The following BANP variants were observed in gnomAD, a reference collection of about 807,000 sequenced individuals.
The protein encoded by BANP is protein BANP.
In BANP, 11 loss-of-function variants were observed where a neutral mutation model predicts 68.1. The ratio of observed to expected loss-of-function variants is 0.16; its 90% confidence interval spans 0.10 to 0.27. BANP has a LOEUF of 0.27. Among genes scored for constraint, BANP ranks in the 10% least tolerant of loss-of-function variants. The probability of loss-of-function intolerance (pLI) is 1.00; values close to 1 mark genes in which losing one functional copy is unlikely to be tolerated. For missense variants in BANP, 504 were observed against 722.7 expected, an observed-to-expected ratio of 0.70 and a Z score of 3.47; for synonymous variants, 329 against 303.2, an observed-to-expected ratio of 1.09 and a Z score of -0.88.
At chr16:87,987,046 T>A (rs1185144849) in intron 4 of BANP, among the ~76,000 whole-genome samples, 1 of 152,232 alleles carries the variant, frequency 6.6e-6, no homozygotes, top group Non-Finnish European at 1.5e-5. Flanking sequence ...AAATCCTATT[T>A]AAAATATATC....
rs2091713517 is a variant in BANP at position 88,076,947 on chromosome 16, A to G, written c.*286A>G. The G allele has an allele frequency of 2.6e-6, 1 of 378,122 alleles. No homozygotes were observed. The highest frequency in any genetic ancestry group is 4.8e-6 in the Non-Finnish European group (1 of 210,256). The allele number at this position is 378,122 out of a possible 1,614,324, so 23.4% of individuals were successfully genotyped here. A position where few individuals can be genotyped will look rare whatever the true frequency, so the allele number is the denominator to read the frequency against. ...TATGCGCGGGAAATCAAGAACTATG[A>G]TATTTTTCTGTTTAAACAGCTTTTT... On this transcript the variant is annotated 3_prime_UTR_variant, in exon 14 of 14. Coordinates refer to ENST00000682872, the MANE Select transcript of BANP (RefSeq NM_001386991.1).
At chr16:88,006,418 G>A (rs1319746029) in intron 6 of BANP, among the ~76,000 whole-genome samples, 153 bp downstream of exon 6, 1 of 152,224 alleles carries the variant, frequency 6.6e-6, no homozygotes, top group East Asian at 1.9e-4. Context: ...AGGCTGAGGC[G>A]GGCGGATCAC....
intron 13 of BANP, among the ~76,000 whole-genome samples, chr16:88,075,994 C>G (rs1203030004): frequency 6.6e-6 from 1 of 152,172 alleles, no homozygotes; most frequent in African/African-American, 2.4e-5. Context: ...GATTCACCTG[C>G]CTCAGCCTCC....
intron 8 of BANP, among the ~76,000 whole-genome samples, chr16:88,032,147 C>G (rs2078318250): frequency 6.6e-6 from 1 of 151,444 alleles, no homozygotes; most frequent in African/African-American, 2.4e-5. Context: ...TTTCATTTTT[C>G]TCCTTTCATT....
chr16:88,072,951 G>A (rs1430805498), intron 13 of BANP, among the ~76,000 whole-genome samples: 1 of 152,252 alleles, frequency 6.6e-6, no homozygotes, highest in Non-Finnish European at 1.5e-5. Context: ...GGAACATTCT[G>A]GCCGCTGTCT....
At chr16:87,977,229 A>T (rs1265879845) in intron 2 of BANP, among the ~76,000 whole-genome samples, 2 of 152,184 alleles carry the variant, frequency 1.3e-5, no homozygotes, top group Non-Finnish European at 1.5e-5. Flanking sequence ...CCTGGCAAAC[A>T]CGGTGAAGTC....
intron 11 of BANP, among the ~76,000 whole-genome samples, chr16:88,044,710 A>G (rs960420416): frequency 1.1e-4 from 16 of 152,232 alleles, no homozygotes; most frequent in Admixed American, 9.2e-4. Flanking sequence ...TAGGCTGGGC[A>G]CGGTGGCTCA....
At chr16:88,068,332 G>T (rs145134565) in intron 12 of BANP, among the ~76,000 whole-genome samples, 5 of 152,374 alleles carry the variant, frequency 3.3e-5, no homozygotes, top group African/African-American at 1.2e-4. Flanking sequence ...GTCGTGGAGT[G>T]CAGGCAGGTG....
In BANP at chr16:88,004,756, C is replaced by T. The variant is rs565957054; in HGVS notation, c.479+345C>T. Among the ~76,000 whole-genome samples the T allele has an allele frequency of 1.3e-5, 2 of 152,360 alleles. No individual in the cohort carries two copies. The highest frequency in any genetic ancestry group is 4.8e-5 in the African/African-American group (2 of 41,588). ...GGTCCTCACGTCTGTCTGTGCAGAG[C>T]GTGTCAGGCAAACAGACGCCCTCTC... On this transcript the variant is annotated intron_variant, in intron 5 of 13. Coordinates refer to ENST00000682872, the MANE Select transcript of BANP (RefSeq NM_001386991.1). This position sits in a 1 kb window ranked among gnomAD's most constrained non-coding sequence, Gnocchi z 7.0.
chr16:87,979,083 GTTAGAA>G (rs2062767329), intron 2 of BANP, among the ~76,000 whole-genome samples: 2 of 152,320 alleles, frequency 1.3e-5, no homozygotes, highest in East Asian at 3.9e-4. Context: ...AGAGGTTCCT[GTTAGAA>G]CTGCAGGACG....
In BANP at chr16:88,036,634, G is replaced by T. The variant is rs763413666; in HGVS notation, c.1272+1240G>T. Among the ~76,000 whole-genome samples the T allele has an allele frequency of 5.3e-5, 8 of 152,154 alleles. No homozygotes were observed. The highest frequency in any genetic ancestry group is 7.3e-5 in the Non-Finnish European group (5 of 68,030). ...GGTTCTGAGGGCGGAATGAGGATGA[G>T]GTGAAAGGGGAGGAACGAATTCATG... On this transcript the variant is annotated intron_variant, in intron 10 of 13. Coordinates refer to ENST00000682872, the MANE Select transcript of BANP (RefSeq NM_001386991.1). The surrounding 1 kb of genome is among the most constrained non-coding windows in gnomAD (Gnocchi z 4.2).
intron 2 of BANP, among the ~76,000 whole-genome samples, chr16:87,975,585 A>C (rs150250110): frequency 8.1e-6 from 1 of 123,756 alleles, no homozygotes; most frequent in South Asian, 2.7e-4. Flanking sequence ...GTGCGGCGTC[A>C]TGGAACCTTA....
At chr16:88,049,340 G>C (rs534464690) in intron 11 of BANP, among the ~76,000 whole-genome samples, 1 of 152,192 alleles carries the variant, frequency 6.6e-6, no homozygotes, top group Non-Finnish European at 1.5e-5. Flanking sequence ...TAGGCTACGG[G>C]TGTGGAGACA....
At chr16:88,022,056 TG>T (rs1342067276) in intron 7 of BANP, among the ~76,000 whole-genome samples, 1 of 152,158 alleles carries the variant, frequency 6.6e-6, no homozygotes, top group African/African-American at 2.4e-5. Context: ...CAAGGATTGG[TG>T]GACCCCCCGA....
chr16:88,062,056 A>G (rs1020711602), intron 11 of BANP, among the ~76,000 whole-genome samples: 1 of 152,176 alleles, frequency 6.6e-6, no homozygotes, highest in Non-Finnish European at 1.5e-5. Flanking sequence ...TCATACCTTA[A>G]CAAGTTGGAT....
chr16:88,033,258 T>A lies in BANP; in HGVS notation c.1200+13T>A. On this transcript the variant is annotated intron_variant, in intron 9 of 13. Transcript: ENST00000682872. Reference sequence around the variant, plus strand: ...ACAGGTGCAAGTAGTACGTACCCTCTCCACCTCACACCTTGGGAAAGGGGG... The same window carrying A: ...ACAGGTGCAAGTAGTACGTACCCTCACCACCTCACACCTTGGGAAAGGGGG... The A allele has an allele frequency of 6.4e-7, 1 of 1,561,904 alleles. No homozygotes were observed. Among genetic ancestry groups the A allele is most frequent in the Non-Finnish European group, 8.7e-7 (1 of 1,146,072 alleles).
intron 11 of BANP, among the ~76,000 whole-genome samples, chr16:88,052,173 C>G (rs1293526662): frequency 6.6e-6 from 1 of 152,152 alleles, no homozygotes; most frequent in Non-Finnish European, 1.5e-5. Flanking sequence ...CAAAACAAAA[C>G]ACAAGAAAGA....
intron 2 of BANP, among the ~76,000 whole-genome samples, chr16:87,979,774 C>T (rs2062909742): frequency 6.6e-6 from 1 of 152,160 alleles, no homozygotes; most frequent in Admixed American, 6.5e-5. Flanking sequence ...TTCTTATATA[C>T]TGGCATTCAT....
At chr16:88,028,751 C>T (rs1463026886) in intron 8 of BANP, among the ~76,000 whole-genome samples, 5 of 152,162 alleles carry the variant, frequency 3.3e-5, no homozygotes, top group Admixed American at 1.3e-4. Context: ...AGGAATATTG[C>T]GCATGACTTG....
Sources: gnomAD v4.1 joint callset for allele counts (sites outside exome capture counted in the v4.1 genomes callset) on GRCh38, gnomAD v4.1.1 for gene constraint, Gnocchi (gnomAD v3.1) non-coding constraint, MANE v1.5 for transcripts, NCBI Gene and HGNC (gene_info 2026-07-23, HGNC 2026-07-21) for gene names.